MBNL2: variants seen among roughly 807,000 people sequenced by gnomAD.
MBNL2 encodes muscleblind-like protein 2.
MBNL2 carries 17 observed loss-of-function variants against 41.9 expected under a neutral mutation model. The observed-to-expected ratio is 0.41, with a 90% CI of 0.28 to 0.61. MBNL2 has a LOEUF of 0.61. Among genes scored for constraint, MBNL2 ranks in the 20% least tolerant of loss-of-function variants. The probability of loss-of-function intolerance (pLI) is 0.35; values close to 1 mark genes in which losing one functional copy is unlikely to be tolerated. For synonymous variants in MBNL2, 195 were observed against 182.9 expected, an observed-to-expected ratio of 1.07 and a Z score of -0.53; for missense variants, 336 against 505.6, an observed-to-expected ratio of 0.66 and a Z score of 3.22.
At chr13:97,367,078 A>G (rs1413696239) in intron 8 of MBNL2, among the ~76,000 whole-genome samples, 2 of 152,188 alleles carry the variant, frequency 1.3e-5, no homozygotes, top group East Asian at 1.9e-4. Flanking sequence ...CCACCTTACA[A>G]TCTGCTCCAA....
chr13:97,271,782 C>T (rs1483446476), intron 1 of MBNL2, among the ~76,000 whole-genome samples: 1 of 152,206 alleles, frequency 6.6e-6, no homozygotes, highest in Non-Finnish European at 1.5e-5. Flanking sequence ...CATAGTATTC[C>T]ATGTTGTATA....
chr13:97,367,521 T>G (rs1264265085), intron 8 of MBNL2, among the ~76,000 whole-genome samples: 1 of 152,210 alleles, frequency 6.6e-6, no homozygotes, highest in Non-Finnish European at 1.5e-5. Context: ...TGTTGGGGGA[T>G]CACGGCAGTC....
At chr13:97,264,164 A>G (rs1369474906) in intron 1 of MBNL2, among the ~76,000 whole-genome samples, 2 of 151,626 alleles carry the variant, frequency 1.3e-5, no homozygotes, top group Non-Finnish European at 2.9e-5. Context: ...AGTAGCTGGG[A>G]CTACAGGTTC....
chr13:97,329,693 T>TACATA (rs2060236318), intron 2 of MBNL2, among the ~76,000 whole-genome samples: 2 of 158 alleles, frequency 0.013, no homozygotes, highest in Non-Finnish European at 0.02. Flanking sequence ...ACACACACAA[T>TACATA]ACACACACAT....
At chr13:97,316,150 T>C (rs752795079) in intron 2 of MBNL2, among the ~76,000 whole-genome samples, 2 of 152,194 alleles carry the variant, frequency 1.3e-5, no homozygotes, top group African/African-American at 4.8e-5. Flanking sequence ...CCTCGACTGA[T>C]GACAAAAATC....
chr13:97,354,158 A>C (rs1019288540), intron 5 of MBNL2, among the ~76,000 whole-genome samples: 1 of 94,972 alleles, frequency 1.1e-5, no homozygotes, highest in East Asian at 2.5e-4. Context: ...GGCCAGTCAG[A>C]TGGATTTCCA....
intron 8 of MBNL2, among the ~76,000 whole-genome samples, chr13:97,373,647 G>A (rs934855225): frequency 4.0e-5 from 6 of 150,170 alleles, no homozygotes; most frequent in African/African-American, 1.5e-4. Context: ...GGAGGTTGGG[G>A]GATACTCTGT....
At chr13:97,163,630 T>C in the MBNL2 span, among the ~76,000 whole-genome samples, 15 of 152,240 alleles carry the variant, frequency 9.9e-5, no homozygotes, top group African/African-American at 3.6e-4. Flanking sequence ...GAATACCCAC[T>C]GGGTGATTGG....
At chr13:97,207,868 G>A in the MBNL2 span, among the ~76,000 whole-genome samples, 5 of 152,330 alleles carry the variant, frequency 3.3e-5, no homozygotes, top group Non-Finnish European at 7.3e-5. Flanking sequence ...TACAGTGGAG[G>A]TACAGGCAGT....
intron 8 of MBNL2, among the ~76,000 whole-genome samples, chr13:97,379,484 A>G (rs900879760): frequency 3.3e-5 from 5 of 152,234 alleles, no homozygotes; most frequent in African/African-American, 1.2e-4. Context: ...AGGTAAACGT[A>G]ACAACACTAG....
At chr13:97,273,341 G>C (rs562322399) in intron 1 of MBNL2, among the ~76,000 whole-genome samples, 1 of 152,312 alleles carries the variant, frequency 6.6e-6, no homozygotes, top group Non-Finnish European at 1.5e-5. Flanking sequence ...ATGGGAGCTA[G>C]AGGTGCAGGT....
At chr13:97,269,341 A>G (rs2050457780) in intron 1 of MBNL2, among the ~76,000 whole-genome samples, 1 of 152,224 alleles carries the variant, frequency 6.6e-6, no homozygotes, top group African/African-American at 2.4e-5. Context: ...GGTGCCCTGC[A>G]TATAATGGGG....
At chr13:97,204,808 G>C in the MBNL2 span, among the ~76,000 whole-genome samples, 5 of 152,102 alleles carry the variant, frequency 3.3e-5, no homozygotes, top group Non-Finnish European at 5.9e-5. Flanking sequence ...GCCAGGTGCG[G>C]TGGCTCAGGC....
intron 3 of MBNL2, among the ~76,000 whole-genome samples, chr13:97,338,267 T>C (rs1020057668): frequency 6.6e-6 from 1 of 152,158 alleles, no homozygotes; most frequent in African/African-American, 2.4e-5. Flanking sequence ...CATGTCTTAG[T>C]GCTTTTCACA....
chr13:97,379,446 C>T (rs992687583), intron 8 of MBNL2, among the ~76,000 whole-genome samples: 1 of 152,100 alleles, frequency 6.6e-6, no homozygotes, highest in Non-Finnish European at 1.5e-5. Context: ...TCACCATCCC[C>T]ACAGAACCTC....
intron 8 of MBNL2, among the ~76,000 whole-genome samples, chr13:97,388,603 C>T (rs2066132916): frequency 6.6e-6 from 1 of 152,092 alleles, no homozygotes; most frequent in African/African-American, 2.4e-5. Flanking sequence ...ATCTGTCCCA[C>T]ACTCCCCTGG....
At chr13:97,383,276 C>A (rs1393210215) in intron 8 of MBNL2, among the ~76,000 whole-genome samples, 4 of 152,142 alleles carry the variant, frequency 2.6e-5, no homozygotes, top group African/African-American at 9.7e-5. Context: ...TCATAAGAAC[C>A]TAGATGTTTT....
At chr13:97,371,676 G>A (rs2064396992) in intron 8 of MBNL2, among the ~76,000 whole-genome samples, 2 of 152,092 alleles carry the variant, frequency 1.3e-5, no homozygotes, top group Admixed American at 1.3e-4. Flanking sequence ...AGTCTGTAGA[G>A]GCCATTAAGA....
At chr13:97,181,098 C>G in the MBNL2 span, among the ~76,000 whole-genome samples, 1 of 152,018 alleles carries the variant, frequency 6.6e-6, no homozygotes, top group Admixed American at 6.6e-5. Flanking sequence ...TCTCTCTCCC[C>G]CCCACCTTCT....
Sources: allele counts gnomAD v4.1 joint callset (sites outside exome capture counted in the v4.1 genomes callset), GRCh38; gene constraint gnomAD v4.1.1; transcripts MANE v1.5; gene names NCBI Gene and HGNC (gene_info 2026-07-23, HGNC 2026-07-21).